The following CCNH variants were observed in gnomAD, a reference collection of about 807,000 sequenced individuals.
CCNH encodes cyclin-H.
CCNH carries 31 observed loss-of-function variants against 41.9 expected under a neutral mutation model. The observed-to-expected ratio is 0.74, with a 90% confidence interval of 0.56 to 1.00. CCNH has a LOEUF of 1.00. CCNH is among the 50% of genes least tolerant of loss of function. The pLI is 0.00. For missense variants in CCNH, 362 were observed against 388.4 expected (o/e 0.93, Z 0.57); for synonymous variants, 138 against 136.1 (o/e 1.01, Z -0.10).
intron 9 of CCNH, among the ~76,000 whole-genome samples, chr5:87,332,035 A>G (rs937010493): frequency 6.6e-6 from 1 of 152,156 alleles, no homozygotes; most frequent in African/African-American, 2.4e-5. Context: ...TATAGTGTTA[A>G]ATGATAAAAT....
intron 9 of CCNH, among the ~76,000 whole-genome samples, chr5:87,354,586 C>T (rs1316158733): frequency 2.6e-5 from 4 of 152,078 alleles, no homozygotes; most frequent in Admixed American, 2.0e-4. Flanking sequence ...TTTCTGCAGA[C>T]ACAACACTAT....
At chr5:87,358,760 A>G (rs1445801240) in intron 9 of CCNH, among the ~76,000 whole-genome samples, 2 of 152,100 alleles carry the variant, frequency 1.3e-5, no homozygotes, top group African/African-American at 4.8e-5. Flanking sequence ...TCTTCCTACT[A>G]TCCTCCTGCC....
rs753302637 is a variant in CCNH at position 87,399,392 on chromosome 5, AC to A, written c.872+1del. The A allele has an allele frequency of 2.4e-5, 38 of 1,600,450 alleles. No individual in the cohort carries two copies. The highest frequency in any genetic ancestry group is 3.1e-5 in the Non-Finnish European group (36 of 1,167,706). ...TTGATTAACACTGTCACATTAACTT[AC>A]GTGATTACGTTAAGTGCAAGCTCAG... is the stretch of plus-strand genomic sequence containing the variant. On this transcript the variant is annotated splice_donor_variant, in intron 7 of 8. Coordinates refer to ENST00000256897, the MANE Select transcript of CCNH (RefSeq NM_001239.4). LOFTEE classifies it high-confidence loss of function.
At chr5:87,349,618 C>G (rs2112422440) in intron 9 of CCNH, among the ~76,000 whole-genome samples, 1 of 151,828 alleles carries the variant, frequency 6.6e-6, no homozygotes, top group Non-Finnish European at 1.5e-5. Flanking sequence ...AAGCTGTTTG[C>G]AACAAATTTA....
At chr5:87,387,640 C>CAGAA (rs1359379276), downstream of CCNH, among the ~76,000 whole-genome samples, 10 of 152,040 alleles carry the variant, frequency 6.6e-5, no homozygotes, top group African/African-American at 2.4e-4. Context: ...ATTGAGGTGT[C>CAGAA]CATGTTCTGT....
chr5:87,390,657 T>C (rs1047861360), downstream of CCNH: 6 of 731,306 alleles, frequency 8.2e-6, no homozygotes, highest in African/African-American at 1.1e-4. Flanking sequence ...GACTGAATAA[T>C]AGAGACTTAT....
chr5:87,350,761 C>G (rs1196346390), intron 9 of CCNH, among the ~76,000 whole-genome samples: 1 of 151,040 alleles, frequency 6.6e-6, no homozygotes, highest in Non-Finnish European at 1.5e-5. Context: ...GTGGCCTTGA[C>G]CATTCCCCCA....
chr5:87,402,231 T>G (rs566465818), intron 5 of CCNH, among the ~76,000 whole-genome samples: 1 of 152,194 alleles, frequency 6.6e-6, no homozygotes, highest in Non-Finnish European at 1.5e-5. Context: ...ATTTTATCTA[T>G]AGTTGCACTT....
At chr5:87,386,009 C>T (rs754033381) in intron 9 of CCNH, among the ~76,000 whole-genome samples, 1 of 151,952 alleles carries the variant, frequency 6.6e-6, no homozygotes, top group Non-Finnish European at 1.5e-5. Flanking sequence ...TAAGTAAATA[C>T]GTTTTAGGCT....
intron 2 of CCNH, among the ~76,000 whole-genome samples, chr5:87,410,271 T>A (rs989212511): frequency 2.6e-5 from 4 of 152,198 alleles, no homozygotes; most frequent in African/African-American, 9.6e-5. Flanking sequence ...ATTAAAGGAT[T>A]TTTTCTTCAT....
chr5:87,333,849 TTC>T (rs1163535452), intron 9 of CCNH, among the ~76,000 whole-genome samples: 1 of 152,194 alleles, frequency 6.6e-6, no homozygotes, highest in East Asian at 1.9e-4. Context: ...TTACCATTAA[TTC>T]TCTCATTTAA....
At chr5:87,380,795 A>T (rs773943851), upstream of CCNH, among the ~76,000 whole-genome samples, 2 of 152,210 alleles carry the variant, frequency 1.3e-5, no homozygotes, top group Non-Finnish European at 2.9e-5. Flanking sequence ...TTCTAAAAAC[A>T]TGAACATTCA....
At chr5:87,383,494 TA>T (rs1761867749) in intron 9 of CCNH, among the ~76,000 whole-genome samples, 1 of 152,082 alleles carries the variant, frequency 6.6e-6, no homozygotes, top group African/African-American at 2.4e-5. Flanking sequence ...GAAAAGTGAG[TA>T]ATACATTCAA....
At chr5:87,326,245 A>G (rs976172409) in intron 9 of CCNH, among the ~76,000 whole-genome samples, 3 of 152,108 alleles carry the variant, frequency 2.0e-5, no homozygotes, top group Admixed American at 6.5e-5. Context: ...GCTGGTTTAT[A>G]AAGTTGGGAG....
chr5:87,381,434 T>C (rs1378512750), upstream of CCNH, among the ~76,000 whole-genome samples: 1 of 152,214 alleles, frequency 6.6e-6, no homozygotes, highest in Non-Finnish European at 1.5e-5. Context: ...AGTTTTCTAA[T>C]AATATAATTT....
At chr5:87,409,241 T>G in intron 3 of CCNH, 49 bp downstream of exon 3, 1 of 1,083,842 alleles carries the variant, frequency 9.2e-7, no homozygotes. Context: ...CTCAAAAGAT[T>G]ATAAAGGTCT....
chr5:87,369,032 C>A (rs1298190689), intron 9 of CCNH, among the ~76,000 whole-genome samples: 1 of 152,106 alleles, frequency 6.6e-6, no homozygotes, highest in African/African-American at 2.4e-5. Flanking sequence ...TAGTCTTTAT[C>A]TTTAATAAGT....
chr5:87,344,417 T>A (rs1043404268), intron 9 of CCNH, among the ~76,000 whole-genome samples: 1 of 152,132 alleles, frequency 6.6e-6, no homozygotes, highest in African/African-American at 2.4e-5. Flanking sequence ...TAAAAAATGA[T>A]CTGTTATCTG....
intron 9 of CCNH, chr5:87,349,388 C>G (rs768564148): frequency 6.2e-7 from 1 of 1,609,774 alleles, no homozygotes; most frequent in Non-Finnish European, 8.5e-7. Flanking sequence ...TTTTAGCTAT[C>G]TTTTACTTTT....
Sources: gnomAD v4.1 joint callset for allele counts (sites outside exome capture counted in the v4.1 genomes callset) on GRCh38, gnomAD v4.1.1 for gene constraint, MANE v1.5 for transcripts, NCBI Gene and HGNC (gene_info 2026-07-23, HGNC 2026-07-21) for gene names.